Variants in GLDN observed in about 807,000 individuals in gnomAD.
The protein encoded by GLDN is collomin.
A neutral mutation model predicts 56.5 loss-of-function variants in GLDN; 47 were observed. That is an observed-to-expected ratio of 0.83 (90% CI 0.66 to 1.06). The LOEUF is 1.06. GLDN is among the 50% of genes least tolerant of loss of function. The pLI is 0.00. For synonymous variants in GLDN, 332 were observed against 278.8 expected (o/e 1.19, Z -1.90); for missense variants, 782 against 714.3 (o/e 1.09, Z -1.08).
intron 1 of GLDN, among the ~76,000 whole-genome samples, chr15:51,345,221 T>C (rs1595797647): frequency 6.6e-6 from 1 of 152,350 alleles, no homozygotes; most frequent in East Asian, 1.9e-4. Context: ...TTCTGGTAGC[T>C]TTATCATCCT....
At chr15:51,359,517 A>G (rs2037249948) in intron 1 of GLDN, among the ~76,000 whole-genome samples, 1 of 152,030 alleles carries the variant, frequency 6.6e-6, no homozygotes, top group Admixed American at 6.5e-5. Flanking sequence ...TGGGACCTCA[A>G]TTTGGAGCAT....
intron 4 of GLDN, among the ~76,000 whole-genome samples, chr15:51,389,493 G>T (rs2063630457): frequency 6.6e-6 from 1 of 152,178 alleles, no homozygotes; most frequent in African/African-American, 2.4e-5. Context: ...AATACTGCCA[G>T]AAGAAAAAGC....
intron 1 of GLDN, among the ~76,000 whole-genome samples, chr15:51,370,180 T>TGA (rs2037487356): frequency 6.6e-6 from 1 of 152,146 alleles, no homozygotes; most frequent in Admixed American, 6.5e-5. Flanking sequence ...GCAAGCTAGG[T>TGA]GAGCCTAAAC....
chr15:51,376,315 T>C (rs1322942965), intron 1 of GLDN, among the ~76,000 whole-genome samples: 1 of 152,180 alleles, frequency 6.6e-6, no homozygotes, highest in Non-Finnish European at 1.5e-5. Context: ...TGGTAAATAT[T>C]TGTGTATCTA....
intron 1 of GLDN, among the ~76,000 whole-genome samples, chr15:51,365,793 T>G (rs948023132): frequency 8.5e-5 from 13 of 152,200 alleles, no homozygotes; most frequent in African/African-American, 3.1e-4. Context: ...GTTCTTCTTC[T>G]GCTTTTATGT....
chr15:51,344,427 T>G lies in GLDN; in HGVS notation c.363+2380T>G, dbSNP rs79166218. Among the ~76,000 whole-genome samples the G allele has an allele frequency of 0.015, 2,303 of 152,318 alleles. 191 individuals carry two copies. In the East Asian group the frequency reaches 0.25, roughly 17 times the overall value. On this transcript the variant is annotated intron_variant, in intron 1 of 9. Coordinates refer to ENST00000335449, the MANE Select transcript of GLDN (RefSeq NM_181789.4). ...ATATTCTTTCCATTCAGCTTCACAG[T>G]TTTCCTCATCTTTACTCTCTGCTTT...
intron 4 of GLDN, among the ~76,000 whole-genome samples, chr15:51,393,165 A>G (rs74016746): frequency 0.04 from 6,098 of 152,220 alleles, 220 homozygotes; most frequent in African/African-American, 0.099. Context: ...TTTCTATATC[A>G]TTGAGATGAT....
At chr15:51,361,134 C>T (rs2037292272) in intron 1 of GLDN, among the ~76,000 whole-genome samples, 1 of 152,216 alleles carries the variant, frequency 6.6e-6, no homozygotes, top group African/African-American at 2.4e-5. Context: ...AGTACTCCTG[C>T]TTAGAAACTC....
downstream of GLDN, among the ~76,000 whole-genome samples, chr15:51,412,959 C>T (rs2038482977): frequency 1.3e-5 from 2 of 150,600 alleles, no homozygotes. Flanking sequence ...GGACAATTTA[C>T]ATTTTTTTTT....
rs76095657 is a variant in GLDN, at chr15:51,342,334, C to G, written c.363+287C>G. On this transcript the variant is annotated intron_variant, in intron 1 of 9. Coordinates refer to ENST00000335449, the MANE Select transcript of GLDN (RefSeq NM_181789.4). Reference sequence around the variant, plus strand: ...GGGCGAAGGCAGTGTTTCTAAGAGCCTATTTTCCTTCTCAGCTTAGACAAG... The same window carrying G: ...GGGCGAAGGCAGTGTTTCTAAGAGCGTATTTTCCTTCTCAGCTTAGACAAG... 0.015 allele frequency among the ~76,000 whole-genome samples: 2,295 copies of G among 152,320 alleles called. 190 individuals carry two copies. In the East Asian group the frequency reaches 0.25, roughly 17 times the overall value.
At chr15:51,355,655 C>G (rs765561002) in intron 1 of GLDN, among the ~76,000 whole-genome samples, 2 of 151,006 alleles carry the variant, frequency 1.3e-5, no homozygotes, top group Non-Finnish European at 1.5e-5. Flanking sequence ...TCCTGAGTAG[C>G]TGGGACCACA....
intron 2 of GLDN, among the ~76,000 whole-genome samples, chr15:51,382,271 CT>C (rs1237783615): frequency 6.6e-6 from 1 of 152,178 alleles, no homozygotes; most frequent in Non-Finnish European, 1.5e-5. Context: ...GGAGACTTCA[CT>C]GTAGCTCTCT....
At chr15:51,388,306 C>G (rs895208014) in intron 4 of GLDN, among the ~76,000 whole-genome samples, 1 of 152,108 alleles carries the variant, frequency 6.6e-6, no homozygotes, top group Non-Finnish European at 1.5e-5. Flanking sequence ...TGATCTTTCC[C>G]TGAAATCGAC....
At chr15:51,381,220 C>A (rs377163909) in intron 2 of GLDN, among the ~76,000 whole-genome samples, 2 of 152,212 alleles carry the variant, frequency 1.3e-5, no homozygotes, top group African/African-American at 2.4e-5. Context: ...GATGCATGGA[C>A]GTGGTTATCA....
chr15:51,400,376 C>A lies in GLDN; in HGVS notation c.905C>A (p.Ser302Tyr), dbSNP rs376628257. 6.2e-7 allele frequency: 1 copy of A among 1,614,188 alleles called. No individual in the cohort carries two copies. Among genetic ancestry groups the A allele is most frequent in the Non-Finnish European group, 8.5e-7 (1 of 1,180,038 alleles). The change falls in exon 8 of 10, where the codon TCC (serine) becomes TAC (tyrosine). Residue 302 changes from serine (S) to tyrosine (Y), a missense_variant. Physicochemically the swap from Ser to Tyr is moderately radical, Grantham distance 144 (BLOSUM62 -2). Coordinates refer to ENST00000335449, the MANE Select transcript of GLDN (RefSeq NM_181789.4). ...TTCTTTTCTCTTCTTTTGGCAGAAT[C>A]CATGATCACTTCCATTGGAAACCCA... ...ASEHHSPQAE[S>Y]MITSIGNPVQ... is the part of the protein sequence containing the mutation.
At position 51,383,469 on chromosome 15, in the gene GLDN, T is replaced by G; in HGVS notation, c.433+16T>G. On this transcript the variant is annotated intron_variant, in intron 3 of 9. Coordinates refer to ENST00000335449, the MANE Select transcript of GLDN (RefSeq NM_181789.4). ...GGACCACCAGGTAAGAGCCCATGGATTTTCTAGTTCAAGGGGAGGCTGTGG... is the reference window on the plus strand; with the variant it reads ...GGACCACCAGGTAAGAGCCCATGGAGTTTCTAGTTCAAGGGGAGGCTGTGG... The G allele has an allele frequency of 1.2e-6, 2 of 1,613,764 alleles. No homozygotes were observed. The highest frequency in any genetic ancestry group is 1.7e-6 in the Non-Finnish European group (2 of 1,179,884).
At chr15:51,360,521 A>G (rs1233481125) in intron 1 of GLDN, 2 of 152,332 alleles carry the variant, frequency 1.3e-5, no homozygotes, top group African/African-American at 4.8e-5. Context: ...TGCCATCACC[A>G]TCACAGAGAG....
chr15:51,360,440 A>T (rs2037272994), intron 1 of GLDN: 1 of 152,382 alleles, frequency 6.6e-6, no homozygotes, highest in Non-Finnish European at 1.5e-5. Flanking sequence ...GCGAAGGTTC[A>T]CTGGGCCAGA....
chr15:51,348,589 C>T (rs1038702434), intron 1 of GLDN, among the ~76,000 whole-genome samples: 7 of 152,060 alleles, frequency 4.6e-5, no homozygotes, highest in Non-Finnish European at 1.0e-4. Flanking sequence ...CTGCTTCAGC[C>T]TCCCAAAGTG....
Sources: gnomAD v4.1 joint callset for allele counts (sites outside exome capture counted in the v4.1 genomes callset) on GRCh38, gnomAD v4.1.1 for gene constraint, MANE v1.5 for transcripts, NCBI Gene and HGNC (gene_info 2026-07-23, HGNC 2026-07-21) for gene names.